SLC44A5: variants seen among roughly 807,000 people sequenced by gnomAD.
The protein encoded by SLC44A5 is solute carrier family 44 member 5, also known as choline transporter-like protein 5.
A neutral mutation model predicts 101.8 loss-of-function variants in SLC44A5; 57 were observed. The ratio of observed to expected loss-of-function variants is 0.56; its 90% CI spans 0.45 to 0.70. SLC44A5 has a LOEUF of 0.70. SLC44A5 is among the 30% of genes least tolerant of loss of function. The pLI, the probability that SLC44A5 is intolerant of heterozygous loss-of-function variation, is 0.00. For synonymous variants in SLC44A5, 281 were observed against 290.9 expected (o/e 0.97, Z 0.35); for missense variants, 737 against 853.1 (o/e 0.86, Z 1.70).
At chr1:75,674,760 T>C in the SLC44A5 span, among the ~76,000 whole-genome samples, 1 of 152,212 alleles carries the variant, frequency 6.6e-6, no homozygotes, top group Non-Finnish European at 1.5e-5. Context: ...TAAGAGTTAT[T>C]GGCCTTAAAG....
At chr1:75,522,373 A>G (rs571307477) in intron 2 of SLC44A5, 2 of 150,776 alleles carry the variant, frequency 1.3e-5, no homozygotes, top group Admixed American at 6.6e-5. Context: ...AAAAAAAAGA[A>G]TAAGTTAAGA....
chr1:75,424,966 A>G (rs1023945757), intron 2 of SLC44A5, among the ~76,000 whole-genome samples: 1 of 152,250 alleles, frequency 6.6e-6, no homozygotes, highest in South Asian at 2.1e-4. Context: ...ATTTCCCAAC[A>G]ATAGGAACAC....
intron 2 of SLC44A5, among the ~76,000 whole-genome samples, chr1:75,459,152 T>G (rs921357905): frequency 1.3e-5 from 2 of 152,118 alleles, no homozygotes; most frequent in African/African-American, 4.8e-5. Context: ...CAGATGAAGA[T>G]TCAAGAGTCA....
At chr1:75,389,303 T>A (rs1344229395) in intron 3 of SLC44A5, among the ~76,000 whole-genome samples, 1 of 152,114 alleles carries the variant, frequency 6.6e-6, no homozygotes, top group African/African-American at 2.4e-5. Context: ...CTGGACTAAA[T>A]TCAATTCTTG....
At chr1:75,402,171 C>G (rs1424298889) in intron 2 of SLC44A5, among the ~76,000 whole-genome samples, 1 of 152,084 alleles carries the variant, frequency 6.6e-6, no homozygotes, top group Non-Finnish European at 1.5e-5. Context: ...AAACTCATAG[C>G]CTGAAAAAAA....
At chr1:75,580,642 C>A (rs1673632934) in intron 1 of SLC44A5, among the ~76,000 whole-genome samples, 1 of 152,048 alleles carries the variant, frequency 6.6e-6, no homozygotes, top group Admixed American at 6.6e-5. Context: ...AGTTCGAGAC[C>A]AGCCTGGCCA....
At chr1:75,312,735 C>T (rs908795623) in intron 4 of SLC44A5, among the ~76,000 whole-genome samples, 1 of 151,534 alleles carries the variant, frequency 6.6e-6, no homozygotes, top group South Asian at 2.1e-4. Context: ...AGGGCAACAG[C>T]ACAACAGGTG....
chr1:75,445,911 A>G (rs1033521776), intron 2 of SLC44A5, among the ~76,000 whole-genome samples: 2 of 152,112 alleles, frequency 1.3e-5, no homozygotes, highest in African/African-American at 4.8e-5. Context: ...CCATTCATCA[A>G]GTTGCTCGGG....
At chr1:75,588,590 G>A (rs1311543532) in intron 1 of SLC44A5, among the ~76,000 whole-genome samples, 1 of 152,040 alleles carries the variant, frequency 6.6e-6, no homozygotes, top group Admixed American at 6.6e-5. Flanking sequence ...CCCATCCCCA[G>A]AGATAGATGT....
In SLC44A5 at chr1:75,466,257, C is replaced by G. The variant is rs543695936; in HGVS notation, c.14-69636G>C. Among the ~76,000 whole-genome samples the G allele has an allele frequency of 3.9e-5, 6 of 152,144 alleles. No homozygotes were observed. In the South Asian group the frequency reaches 1.2e-3, roughly 32 times the overall value. On this transcript the variant is annotated intron_variant, in intron 2 of 23. Coordinates refer to ENST00000370859, the MANE Select transcript of SLC44A5 (RefSeq NM_001130058.2). Reference sequence around the variant, plus strand: ...CAATCCATGTGATATATCATATTAACAGAATGAAGGACAAAACCCATATGA... The same window carrying G: ...CAATCCATGTGATATATCATATTAAGAGAATGAAGGACAAAACCCATATGA...
chr1:75,647,983 G>A, the SLC44A5 span, among the ~76,000 whole-genome samples: 9 of 152,200 alleles, frequency 5.9e-5, no homozygotes, highest in Non-Finnish European at 1.2e-4. Context: ...TGAAACGTGA[G>A]AAAGACAAGA....
At chr1:75,232,811 C>A (rs146721034) in intron 12 of SLC44A5, among the ~76,000 whole-genome samples, 1 of 152,182 alleles carries the variant, frequency 6.6e-6, no homozygotes, top group East Asian at 1.9e-4. Context: ...TAACCACCAA[C>A]AAACTTCCAA....
At chr1:75,498,674 G>A (rs954142274) in intron 2 of SLC44A5, among the ~76,000 whole-genome samples, 3 of 152,220 alleles carry the variant, frequency 2.0e-5, no homozygotes, top group Admixed American at 6.5e-5. Context: ...CTTAGTGAAA[G>A]AAAAGTACAC....
intron 5 of SLC44A5, among the ~76,000 whole-genome samples, chr1:75,279,721 A>G (rs925829601): frequency 6.6e-6 from 1 of 151,702 alleles, no homozygotes; most frequent in African/African-American, 2.4e-5. Context: ...TTTTTTTACA[A>G]CTTATAAAGT....
Position 75,574,843 on chromosome 1 carries a change from A to T in SLC44A5, c.-69-33327T>A, listed in dbSNP as rs185649814. ...TGAGTATCCATTTATGGACTTTTGT[A>T]TGCAACATGCTTAAGAACTAACAGG... On this transcript the variant is annotated intron_variant, in intron 1 of 23. Coordinates refer to ENST00000370859, the MANE Select transcript of SLC44A5 (RefSeq NM_001130058.2). Among the ~76,000 whole-genome samples, 699 of 152,310 alleles carry T rather than the reference A, an allele frequency of 4.6e-3. 8 individuals are homozygous for T. The highest frequency in any genetic ancestry group is 0.016 in the African/African-American group (668 of 41,560).
At chr1:75,442,919 G>A (rs1053312768) in intron 2 of SLC44A5, among the ~76,000 whole-genome samples, 2 of 152,252 alleles carry the variant, frequency 1.3e-5, no homozygotes, top group East Asian at 1.9e-4. Context: ...AACTCCATAA[G>A]TTGGATATTT....
chr1:75,690,394 C>G, the SLC44A5 span, among the ~76,000 whole-genome samples: 18 of 152,130 alleles, frequency 1.2e-4, no homozygotes, highest in African/African-American at 4.1e-4. Flanking sequence ...TCCTTTAACA[C>G]ACGGGGATTA....
the SLC44A5 span, among the ~76,000 whole-genome samples, chr1:75,712,595 A>G: frequency 6.6e-6 from 1 of 151,980 alleles, no homozygotes; most frequent in African/African-American, 2.4e-5. Context: ...TGGCAGTGGT[A>G]TAATCATAAA....
intron 2 of SLC44A5, among the ~76,000 whole-genome samples, chr1:75,499,550 C>T (rs1238156854): frequency 6.6e-6 from 1 of 152,174 alleles, no homozygotes; most frequent in African/African-American, 2.4e-5. Flanking sequence ...ATGAAGTTAC[C>T]TAGCAAACAA....
Sources: gnomAD v4.1 joint callset for allele counts (sites outside exome capture counted in the v4.1 genomes callset) on GRCh38, gnomAD v4.1.1 for gene constraint, MANE v1.5 for transcripts, NCBI Gene and HGNC (gene_info 2026-07-23, HGNC 2026-07-21) for gene names.